Variants in PLOD2 observed in about 807,000 individuals in gnomAD.
PLOD2 encodes lysine hydroxylase 2.
A neutral mutation model predicts 101.0 loss-of-function variants in PLOD2; 65 were observed. That is an observed-to-expected ratio of 0.64 (90% CI 0.53 to 0.79). The LOEUF is 0.79. Ranked by LOEUF, PLOD2 falls within the 30% of genes least tolerant of loss-of-function variation. The pLI, the probability that PLOD2 is intolerant of heterozygous loss-of-function variation, is 0.00. For missense variants in PLOD2, 909 were observed against 914.6 expected (o/e 0.99, Z 0.08); for synonymous variants, 314 against 302.9 (o/e 1.04, Z -0.38).
At chr3:146,133,146 G>A (rs985822582) in intron 1 of PLOD2, among the ~76,000 whole-genome samples, 3 of 152,066 alleles carry the variant, frequency 2.0e-5, no homozygotes, top group East Asian at 1.9e-4. Flanking sequence ...ACTGCATTCC[G>A]GCCTGGGCGA....
At chr3:146,108,359 A>T (rs1047006993) in intron 4 of PLOD2, among the ~76,000 whole-genome samples, 7 of 151,970 alleles carry the variant, frequency 4.6e-5, no homozygotes, top group African/African-American at 1.5e-4. Context: ...TTAAAAAAAA[A>T]TTTTAGTAGA....
chr3:146,086,817 A>G lies in PLOD2; in HGVS notation c.1097T>C (p.Leu366Pro). The G allele has an allele frequency of 6.6e-7, 1 of 1,512,498 alleles. No individual in the cohort carries two copies. The highest frequency in any genetic ancestry group is 9.0e-7 in the Non-Finnish European group (1 of 1,112,854). 93.7% of individuals were successfully genotyped at this position (1,512,498 alleles called of 1,614,324 possible). ...CATGTTTCTGGCTTCCGCTTGACTT[A>G]GATTTTCTTCTGGTCCTACTATTTT... is the stretch of plus-strand genomic sequence containing the variant. Reference protein sequence around the residue: ...TIKIVGPEENLSQAEARNMGM... With the variant: ...TIKIVGPEENPSQAEARNMGM... The change falls in exon 10 of 20, where the codon CTA becomes CCA. Residue 366 changes from leucine (L) to proline (P), a missense_variant. Transcript: ENST00000282903.
chr3:146,082,604 C>T (rs1158797264), intron 11 of PLOD2, among the ~76,000 whole-genome samples: 1 of 151,966 alleles, frequency 6.6e-6, no homozygotes, highest in Non-Finnish European at 1.5e-5. Flanking sequence ...TAAATAAACA[C>T]ACATCGGGCC....
chr3:146,119,838 A>G (rs2029941520), intron 3 of PLOD2, among the ~76,000 whole-genome samples: 1 of 152,100 alleles, frequency 6.6e-6, no homozygotes, highest in South Asian at 2.1e-4. Flanking sequence ...AATCCAGTCT[A>G]TCATTGTTGG....
intron 7 of PLOD2, among the ~76,000 whole-genome samples, chr3:146,097,008 C>G (rs1353454418): frequency 1.4e-5 from 2 of 142,666 alleles, no homozygotes; most frequent in Non-Finnish European, 3.1e-5. Context: ...GTGGGGGGGT[C>G]AGCCCCCCGC....
At chr3:146,124,352 A>C in intron 1 of PLOD2, 123 bp from the exon 2 acceptor site, 1 of 601,738 alleles carries the variant, frequency 1.7e-6, no homozygotes, top group South Asian at 2.0e-5. Flanking sequence ...ACTTATCTAC[A>C]CAAGACTAAA....
intron 8 of PLOD2, among the ~76,000 whole-genome samples, chr3:146,090,311 G>T (rs907158720): frequency 6.6e-6 from 1 of 151,282 alleles, no homozygotes; most frequent in Admixed American, 6.6e-5. Context: ...TATATAGCAC[G>T]TAATTTTATT....
At position 146,161,093 on chromosome 3, in the gene PLOD2, C is replaced by T; in HGVS notation, c.-104G>A. 1 of 662,276 alleles carries T rather than the reference C, an allele frequency of 1.5e-6. No homozygotes were observed. Among genetic ancestry groups the T allele is most frequent in the Non-Finnish European group, 2.3e-6 (1 of 443,540 alleles). The allele number at this position is 662,276 out of a possible 1,614,324, so 41.0% of individuals were successfully genotyped here. A position where few individuals can be genotyped will look rare whatever the true frequency, so the allele number is the denominator to read the frequency against. The stretch of plus-strand genomic sequence containing the variant: ...CGGGTCCGCCCTGAGCCGCCGATTG[C>T]GGGCGGGAGCCGGCGGGCAAGGCGC... On this transcript the variant is annotated 5_prime_UTR_variant, in exon 1 of 20. Transcript: ENST00000282903.
intron 3 of PLOD2, among the ~76,000 whole-genome samples, chr3:146,115,539 C>T (rs112116504): frequency 6.6e-6 from 1 of 152,082 alleles, no homozygotes; most frequent in African/African-American, 2.4e-5. Context: ...TTCCTTAATC[C>T]TATTGATTCC....
intron 9 of PLOD2, among the ~76,000 whole-genome samples, chr3:146,087,930 G>A (rs992731880): frequency 1.3e-5 from 2 of 151,682 alleles, no homozygotes; most frequent in Non-Finnish European, 3.0e-5. Flanking sequence ...AGGAACAATG[G>A]TAAACAAACA....
At chr3:146,106,724 T>A in intron 4 of PLOD2, 80 bp from the exon 5 acceptor site, 1 of 786,304 alleles carries the variant, frequency 1.3e-6, no homozygotes, top group South Asian at 1.4e-5. Flanking sequence ...ACTGACCAGT[T>A]GAACAGAGTT....
intron 1 of PLOD2, among the ~76,000 whole-genome samples, chr3:146,129,705 C>G (rs2030795574): frequency 6.6e-6 from 1 of 152,128 alleles, no homozygotes; most frequent in African/African-American, 2.4e-5. Flanking sequence ...AGTTATAACT[C>G]CCATCCCTTT....
chr3:146,080,504 C>G (rs1936499252), intron 12 of PLOD2, among the ~76,000 whole-genome samples: 2 of 151,128 alleles, frequency 1.3e-5, no homozygotes, highest in Admixed American at 6.7e-5. Context: ...TTCAGTGTTT[C>G]AACTTATACA....
chr3:146,107,992 T>C (rs1937566261), intron 4 of PLOD2, among the ~76,000 whole-genome samples: 1 of 152,090 alleles, frequency 6.6e-6, no homozygotes, highest in South Asian at 2.1e-4. Flanking sequence ...TTAAATCCCA[T>C]GGCCAATTTT....
At chr3:146,142,596 A>C (rs1029077240) in intron 1 of PLOD2, among the ~76,000 whole-genome samples, 1 of 152,132 alleles carries the variant, frequency 6.6e-6, no homozygotes, top group African/African-American at 2.4e-5. Flanking sequence ...TTACAAGATT[A>C]ATTGCCCACT....
intron 1 of PLOD2, among the ~76,000 whole-genome samples, chr3:146,124,813 T>C (rs2030455237): frequency 6.6e-6 from 1 of 152,094 alleles, no homozygotes; most frequent in East Asian, 1.9e-4. Context: ...ACAACATTAT[T>C]TATTGTGTTT....
Position 146,157,902 on chromosome 3 carries a change from A to G in PLOD2, c.109+2979T>C, listed in dbSNP as rs115745468. ...ATAAATTGCTGGTTTGCATCAGTAG[A>G]TAGGGACAAACCTTTCCTTTTTTCC... is the stretch of plus-strand genomic sequence containing the variant. On this transcript the variant is annotated intron_variant, in intron 1 of 19. Transcript: ENST00000282903. 5.5e-3 allele frequency among the ~76,000 whole-genome samples: 832 copies of G among 152,324 alleles called. 8 individuals carry two copies. Among genetic ancestry groups the G allele is most frequent in the African/African-American group, 0.019 (792 of 41,566 alleles).
chr3:146,145,808 C>CTGT (rs2067375), intron 1 of PLOD2, among the ~76,000 whole-genome samples: 2 of 151,640 alleles, frequency 1.3e-5, no homozygotes, highest in African/African-American at 4.8e-5. Context: ...GTAAGCCCCA[C>CTGT]TTTTATCTCA....
At chr3:146,149,206 C>T (rs2031937955) in intron 1 of PLOD2, among the ~76,000 whole-genome samples, 1 of 152,206 alleles carries the variant, frequency 6.6e-6, no homozygotes, top group Non-Finnish European at 1.5e-5. Flanking sequence ...TCACTCCCAT[C>T]ACCTCTTCAA....
Sources: allele counts gnomAD v4.1 joint callset (sites outside exome capture counted in the v4.1 genomes callset), GRCh38; gene constraint gnomAD v4.1.1; transcripts MANE v1.5; gene names NCBI Gene and HGNC (gene_info 2026-07-23, HGNC 2026-07-21).